The following RAP1GDS1 variants were observed in gnomAD, a reference collection of about 807,000 sequenced individuals.
RAP1GDS1 encodes the protein RAP1, GTP-GDP dissociation stimulator 1.
A neutral mutation model predicts 71.1 loss-of-function variants in RAP1GDS1; 35 were observed. That is an observed-to-expected ratio of 0.49 (90% CI 0.38 to 0.65). The LOEUF is 0.65. Among genes scored for constraint, RAP1GDS1 ranks in the 30% least tolerant of loss-of-function variants. The probability of loss-of-function intolerance (pLI) is 0.00; values close to 1 mark genes in which losing one functional copy is unlikely to be tolerated. For missense variants in RAP1GDS1, 663 were observed against 706.1 expected (o/e 0.94, Z 0.69); for synonymous variants, 229 against 243.1 (o/e 0.94, Z 0.54).
At chr4:98,424,836 T>A (rs537626242) in intron 12 of RAP1GDS1, among the ~76,000 whole-genome samples, 4 of 151,632 alleles carry the variant, frequency 2.6e-5, no homozygotes, top group Admixed American at 2.6e-4. Flanking sequence ...AAGGAAGACT[T>A]CTCCAGTCTT....
At chr4:98,320,369 G>A (rs1224717338) in intron 2 of RAP1GDS1, among the ~76,000 whole-genome samples, 1 of 152,158 alleles carries the variant, frequency 6.6e-6, no homozygotes, top group Non-Finnish European at 1.5e-5. Context: ...CAGAGTATCT[G>A]GAGAAGAGCT....
intron 4 of RAP1GDS1, among the ~76,000 whole-genome samples, chr4:98,362,922 C>T (rs1220070200): frequency 6.6e-6 from 1 of 152,064 alleles, no homozygotes; most frequent in Non-Finnish European, 1.5e-5. Context: ...GGGGACACTG[C>T]CTGTGATGGG....
rs769684713 is a variant in RAP1GDS1, at chr4:98,333,685, A to G, written c.113-9454A>G. 2.2e-4 allele frequency among the ~76,000 whole-genome samples: 33 copies of G among 152,214 alleles called. 1 individual carries two copies. The highest frequency in any genetic ancestry group is 1.4e-3 in the South Asian group (7 of 4,832). On this transcript the variant is annotated intron_variant, in intron 2 of 14. Coordinates refer to ENST00000408927, the MANE Select transcript of RAP1GDS1 (RefSeq NM_001100427.2). ...ACATTTACCTGGTTTATCTTTAACAATTATACCTAGATTACTTATGAAAGT... is the reference window on the plus strand; with the variant it reads ...ACATTTACCTGGTTTATCTTTAACAGTTATACCTAGATTACTTATGAAAGT...
intron 6 of RAP1GDS1, among the ~76,000 whole-genome samples, chr4:98,397,413 G>C (rs2110138908): frequency 6.6e-6 from 1 of 152,214 alleles, no homozygotes; most frequent in African/African-American, 2.4e-5. Context: ...CAGGAAGATT[G>C]ATTGCAGCAG....
chr4:98,315,088 T>C (rs1730753899), intron 2 of RAP1GDS1, among the ~76,000 whole-genome samples: 1 of 152,196 alleles, frequency 6.6e-6, no homozygotes, highest in Non-Finnish European at 1.5e-5. Flanking sequence ...TTTTTCTTTT[T>C]GGCTTAGAAT....
chr4:98,294,251 T>C lies in RAP1GDS1; in HGVS notation c.112+736T>C, dbSNP rs747379125. 5.9e-5 allele frequency among the ~76,000 whole-genome samples: 9 copies of C among 152,064 alleles called. No individual in the cohort carries two copies. In the South Asian group the frequency reaches 1.9e-3, roughly 31 times the overall value. ...TTTCTGTACTTGTTTTTAATTATGC[T>C]CTTGTCCTATCCTGAAACTAATTAT... On this transcript the variant is annotated intron_variant, in intron 2 of 14. Transcript: ENST00000408927.
At chr4:98,343,326 A>G (rs1735768625) in intron 3 of RAP1GDS1, 65 bp downstream of exon 3, 1 of 1,494,994 alleles carries the variant, frequency 6.7e-7, no homozygotes, top group Admixed American at 1.8e-5. Context: ...ACTTGTCAGT[A>G]TGCTTTATTA....
intron 5 of RAP1GDS1, among the ~76,000 whole-genome samples, chr4:98,384,906 C>G (rs1040917723): frequency 1.3e-5 from 2 of 151,632 alleles, no homozygotes; most frequent in African/African-American, 4.8e-5. Flanking sequence ...TATGATAATG[C>G]ATTTAATATC....
chr4:98,268,738 ATATT>A (rs886664493), intron 1 of RAP1GDS1, among the ~76,000 whole-genome samples: 6 of 152,146 alleles, frequency 3.9e-5, no homozygotes, highest in African/African-American at 1.4e-4. Context: ...AAAATATAAA[ATATT>A]TAGGAATAGA....
chr4:98,280,999 T>G (rs1350485456), intron 1 of RAP1GDS1, among the ~76,000 whole-genome samples: 1 of 152,230 alleles, frequency 6.6e-6, no homozygotes, highest in Non-Finnish European at 1.5e-5. Flanking sequence ...ACCATGCTGT[T>G]TTGGTTACTG....
chr4:98,391,257 A>G (rs1715533942), intron 5 of RAP1GDS1, among the ~76,000 whole-genome samples: 1 of 152,126 alleles, frequency 6.6e-6, no homozygotes, highest in African/African-American at 2.4e-5. Flanking sequence ...AAGGCAAGCA[A>G]TGATGACAAG....
At chr4:98,398,292 A>C in intron 6 of RAP1GDS1, among the ~76,000 whole-genome samples, 1 of 152,250 alleles carries the variant, frequency 6.6e-6, no homozygotes, top group African/African-American at 2.4e-5. Context: ...AGTATTAGAA[A>C]AGTTAACAGA....
rs576204768 is a variant in RAP1GDS1 at position 98,405,494 on chromosome 4, G to A, written c.763+892G>A. Among the ~76,000 whole-genome samples the A allele has an allele frequency of 3.3e-5, 5 of 152,174 alleles. No homozygotes were observed. The South Asian group carries it at 1.0e-3, about 32-fold the overall frequency. Reference sequence around the variant, plus strand: ...AGGAAAAAATGAGACATTCTCATATGCATTTTTTGGAGTCCCAAAAGGAGA... The same window carrying A: ...AGGAAAAAATGAGACATTCTCATATACATTTTTTGGAGTCCCAAAAGGAGA... On this transcript the variant is annotated intron_variant, in intron 7 of 14. Transcript: ENST00000408927.
At chr4:98,409,709 C>T in intron 7 of RAP1GDS1, 1 of 445,250 alleles carries the variant, frequency 2.2e-6, no homozygotes, top group Non-Finnish European at 4.6e-6. Flanking sequence ...TTTGTGAGAA[C>T]AAACGGAAGG....
At chr4:98,332,537 G>C (rs575048310) in intron 2 of RAP1GDS1, among the ~76,000 whole-genome samples, 6 of 152,282 alleles carry the variant, frequency 3.9e-5, no homozygotes, top group Admixed American at 1.3e-4. Context: ...GAAAGGAGGA[G>C]AGCAGAAGGC....
intron 4 of RAP1GDS1, among the ~76,000 whole-genome samples, chr4:98,360,157 C>A (rs1049990402): frequency 2.6e-5 from 4 of 152,100 alleles, no homozygotes; most frequent in Non-Finnish European, 4.4e-5. Context: ...TTTCCCCATG[C>A]TTGATTACTT....
intron 2 of RAP1GDS1, among the ~76,000 whole-genome samples, chr4:98,318,186 T>G (rs1720899102): frequency 6.6e-6 from 1 of 152,084 alleles, no homozygotes; most frequent in African/African-American, 2.4e-5. Flanking sequence ...CCACTCTGGA[T>G]AAATATCTTG....
chr4:98,432,013 G>T (rs1439907564), intron 12 of RAP1GDS1, among the ~76,000 whole-genome samples: 1 of 151,862 alleles, frequency 6.6e-6, no homozygotes, highest in Non-Finnish European at 1.5e-5. Flanking sequence ...TACATGTGCC[G>T]TGTTGGTGTG....
At chr4:98,404,136 AAAGAT>A (rs1447005068) in intron 6 of RAP1GDS1, among the ~76,000 whole-genome samples, 2 of 152,206 alleles carry the variant, frequency 1.3e-5, no homozygotes, top group Admixed American at 6.5e-5. Context: ...TAATGATACT[AAAGAT>A]AAGTCACCTT....
Sources: gnomAD v4.1 joint callset for allele counts (sites outside exome capture counted in the v4.1 genomes callset) on GRCh38, gnomAD v4.1.1 for gene constraint, MANE v1.5 for transcripts, NCBI Gene and HGNC (gene_info 2026-07-23, HGNC 2026-07-21) for gene names.